Variants in ZNF608 observed in about 807,000 individuals in gnomAD.
The protein encoded by ZNF608 is zinc finger protein 608.
A neutral mutation model predicts 109.0 loss-of-function variants in ZNF608; 12 were observed. That is an observed-to-expected ratio of 0.11 (90% CI 0.07 to 0.18). ZNF608 has a LOEUF of 0.18. Among genes scored for constraint, ZNF608 ranks in the 10% least tolerant of loss-of-function variants. The pLI, the probability that ZNF608 is intolerant of heterozygous loss-of-function variation, is 1.00. For missense variants in ZNF608, 1,707 were observed against 1,879.3 expected, an observed-to-expected ratio of 0.91 and a Z score of 1.70; for synonymous variants, 732 against 717.4, an observed-to-expected ratio of 1.02 and a Z score of -0.33.
chr5:124,649,271 A>G, intron 4 of ZNF608, 138 bp from the exon 5 acceptor site: 1 of 697,430 alleles, frequency 1.4e-6, no homozygotes, highest in East Asian at 2.9e-5. Flanking sequence ...AAGACTGACA[A>G]TTTCCAACAC....
chr5:124,738,706 C>T (rs1052087002), intron 2 of ZNF608, among the ~76,000 whole-genome samples: 2 of 152,310 alleles, frequency 1.3e-5, no homozygotes, highest in Non-Finnish European at 2.9e-5. Flanking sequence ...TTTTATCCCC[C>T]TCCCACAAGA....
intron 3 of ZNF608, among the ~76,000 whole-genome samples, chr5:124,671,257 C>T (rs1196273193): frequency 6.6e-6 from 1 of 152,134 alleles, no homozygotes; most frequent in Non-Finnish European, 1.5e-5. Flanking sequence ...ACTAAATAGT[C>T]AGAAATAGAG....
At chr5:124,736,883 T>A (rs78466457) in intron 2 of ZNF608, among the ~76,000 whole-genome samples, 5,081 of 152,284 alleles carry the variant, frequency 0.033, 212 homozygotes, top group African/African-American at 0.1. Flanking sequence ...ACACTTTTTT[T>A]AAAAATTCTC....
intron 3 of ZNF608, among the ~76,000 whole-genome samples, chr5:124,669,662 CA>C (rs1751635447): frequency 1.4e-5 from 2 of 147,144 alleles, no homozygotes; most frequent in Non-Finnish European, 3.0e-5. Flanking sequence ...CACACAAACA[CA>C]CACACACACA....
Position 124,746,589 on chromosome 5 carries a change from C to T in ZNF608, c.-578G>A. ...CTTCAGTTCCAGACTTCAGAGTCAC[C>T]GTGATCAGTAATGATCCCATGTAGC... is the stretch of plus-strand genomic sequence containing the variant. On this transcript the variant is annotated 5_prime_UTR_variant, in exon 1 of 10. Transcript: ENST00000513986. The T allele has an allele frequency of 1.0e-6, 1 of 985,272 alleles. No homozygotes were observed. The highest frequency in any genetic ancestry group is 1.2e-6 in the Non-Finnish European group (1 of 829,908). The allele number at this position is 985,272 out of a possible 1,614,324, so 61.0% of individuals were successfully genotyped here.
chr5:124,690,144 T>C (rs1397170953), intron 3 of ZNF608, among the ~76,000 whole-genome samples: 3 of 152,226 alleles, frequency 2.0e-5, no homozygotes, highest in Non-Finnish European at 2.9e-5. Context: ...ACAGACAGTA[T>C]GATTCCAACA....
At chr5:124,656,669 A>T (rs961862370) in intron 3 of ZNF608, among the ~76,000 whole-genome samples, 5 of 152,246 alleles carry the variant, frequency 3.3e-5, no homozygotes, top group African/African-American at 1.2e-4. Context: ...AAACATGATA[A>T]TCTTTCTTAC....
At chr5:124,721,582 A>G (rs1397054480) in intron 2 of ZNF608, among the ~76,000 whole-genome samples, 4 of 152,154 alleles carry the variant, frequency 2.6e-5, no homozygotes, top group Admixed American at 2.0e-4. Context: ...TAGTCAGACA[A>G]CATAACCAAG....
Position 124,701,007 on chromosome 5 carries a change from T to C in ZNF608, c.1162+7A>G. ...TCGGGAAATATATAAAAATAAATTG[T>C]ATTTACCTTCTTCTGTTTCATGCCA... On this transcript the variant is annotated splice_region_variant and intron_variant, in intron 3 of 9. Transcript: ENST00000513986. The C allele has an allele frequency of 1.2e-6, 2 of 1,613,802 alleles. No homozygotes were observed. Among genetic ancestry groups the C allele is most frequent in the African/African-American group, 2.7e-5 (2 of 75,030 alleles).
chr5:124,728,642 A>T (rs1361951026), intron 2 of ZNF608, among the ~76,000 whole-genome samples: 1 of 152,312 alleles, frequency 6.6e-6, no homozygotes, highest in East Asian at 1.9e-4. Context: ...AAGACTCAAT[A>T]ATCAAATATG....
At chr5:124,746,955 G>T (rs1278409221), upstream of ZNF608, among the ~76,000 whole-genome samples, 3 of 93,092 alleles carry the variant, frequency 3.2e-5, no homozygotes, top group African/African-American at 1.2e-4. Context: ...GGGGCGGGGG[G>T]CTTGGGGCGG....
At chr5:124,677,120 T>A (rs567023827) in intron 3 of ZNF608, among the ~76,000 whole-genome samples, 126 of 152,324 alleles carry the variant, frequency 8.3e-4, no homozygotes, top group Non-Finnish European at 1.5e-3. Flanking sequence ...TAAGACAAGA[T>A]TTTAACTGAT....
At position 124,650,045 on chromosome 5, in the gene ZNF608, T is replaced by G. The variant is rs142639123; in HGVS notation, c.1163-348A>C. ...TAATTTTTCTATTATTACACATAAT[T>G]GCTTTCGTTTGGCAAGCAGCCAATA... On this transcript the variant is annotated intron_variant, in intron 3 of 9. Coordinates refer to ENST00000513986, the MANE Select transcript of ZNF608 (RefSeq NM_020747.3). 8.6e-3 allele frequency among the ~76,000 whole-genome samples: 1,313 copies of G among 152,378 alleles called. 49 individuals are homozygous for G. The highest frequency in any genetic ancestry group is 0.06 in the Admixed American group (911 of 15,306).
chr5:124,647,094 G>A lies in ZNF608; in HGVS notation c.3290C>T (p.Thr1097Ile). 1 of 1,614,140 alleles carries A rather than the reference G, an allele frequency of 6.2e-7. No homozygotes were observed. The highest frequency in any genetic ancestry group is 8.5e-7 in the Non-Finnish European group (1 of 1,180,026). Residue 1097 changes from threonine (T) to isoleucine (I), a missense_variant, in exon 5 of 10, where the codon ACC becomes ATC. Coordinates refer to ENST00000513986, the MANE Select transcript of ZNF608 (RefSeq NM_020747.3). ...ATACTGCTGTCTATAGGCAGGGCTGGTGGCCATCAGAGACTTCTGGTCCAT... is the reference window on the plus strand; with the variant it reads ...ATACTGCTGTCTATAGGCAGGGCTGATGGCCATCAGAGACTTCTGGTCCAT... Reference protein sequence around the residue: ...LYMDQKSLMATSPAYRQQYEK... With the variant: ...LYMDQKSLMAISPAYRQQYEK...
intron 2 of ZNF608, among the ~76,000 whole-genome samples, chr5:124,735,845 T>G (rs1167568384): frequency 6.6e-6 from 1 of 152,306 alleles, no homozygotes; most frequent in East Asian, 1.9e-4. Context: ...ACAATATTAC[T>G]TAACTCAAAT....
Position 124,647,439 on chromosome 5 carries a change from G to T in ZNF608, c.2945C>A (p.Thr982Asn). ...TTTCAGTTGAGATGATTGTGCTGTA[G>T]TTGAAGAATGCCCTTTTACAACACT... ...KDSVVKGHSS[T>N]TAQSSQLKES... is the part of the protein sequence containing the mutation. Residue 982 changes from threonine (T) to asparagine (N), a missense_variant, in exon 5 of 10, where the codon ACT becomes AAT. Physicochemically the swap from Thr to Asn is moderately conservative, Grantham distance 65. Transcript: ENST00000513986. 1 of 1,614,254 alleles carries T rather than the reference G, an allele frequency of 6.2e-7. No individual in the cohort carries two copies. The highest frequency in any genetic ancestry group is 8.5e-7 in the Non-Finnish European group (1 of 1,180,050).
At chr5:124,639,352 A>G (rs1750132345) in intron 8 of ZNF608, 138 bp from the exon 9 acceptor site, 1 of 696,564 alleles carries the variant, frequency 1.4e-6, no homozygotes, top group Non-Finnish European at 2.6e-6. Flanking sequence ...TTCATGCAGC[A>G]AGGACACAGT....
chr5:124,668,834 G>C (rs1466336472), intron 3 of ZNF608, among the ~76,000 whole-genome samples: 1 of 152,150 alleles, frequency 6.6e-6, no homozygotes, highest in Non-Finnish European at 1.5e-5. Flanking sequence ...TTGAGGTCTG[G>C]GTAAAGAAGG....
chr5:124,724,376 C>A (rs1029595383), intron 2 of ZNF608, among the ~76,000 whole-genome samples: 1 of 151,428 alleles, frequency 6.6e-6, no homozygotes, highest in African/African-American at 2.4e-5. Flanking sequence ...CAATTTCTGA[C>A]CTCTTTTTTT....
Sources: allele counts gnomAD v4.1 joint callset (sites outside exome capture counted in the v4.1 genomes callset), GRCh38; gene constraint gnomAD v4.1.1; transcripts MANE v1.5; gene names NCBI Gene and HGNC (gene_info 2026-07-23, HGNC 2026-07-21).